HHAT: variants seen among roughly 807,000 people sequenced by gnomAD.
The protein encoded by HHAT is hedgehog acyltransferase.
Under a neutral mutation model 70.8 loss-of-function variants are expected in HHAT, and 47 were observed. The ratio of observed to expected loss-of-function variants is 0.66; its 90% CI spans 0.53 to 0.85. The LOEUF is 0.85. HHAT is among the 40% of genes least tolerant of loss of function. The pLI is 0.00. For missense variants in HHAT, 609 were observed against 604.8 expected, an observed-to-expected ratio of 1.01 and a Z score of -0.07; for synonymous variants, 228 against 247.6, an observed-to-expected ratio of 0.92 and a Z score of 0.74.
chr1:210,596,961 T>C (rs1258943095), intron 10 of HHAT, among the ~76,000 whole-genome samples: 2 of 152,184 alleles, frequency 1.3e-5, no homozygotes, highest in African/African-American at 4.8e-5. Context: ...CCTATCCTTC[T>C]TGGGAAGGCT....
At chr1:210,643,059 G>C (rs1476299835) in intron 11 of HHAT, among the ~76,000 whole-genome samples, 1 of 152,006 alleles carries the variant, frequency 6.6e-6, no homozygotes, top group Admixed American at 6.6e-5. Flanking sequence ...TTTTTGGTCT[G>C]TTTGGATATT....
In HHAT at chr1:210,486,356, A is replaced by G. The variant is rs529474093; in HGVS notation, c.1007+21701A>G. On this transcript the variant is annotated intron_variant, in intron 8 of 11. Transcript: ENST00000261458. ...GACTACATTAAGCGAATGCTTACCC[A>G]TAATGAAGCCACTCCAATCAGCTTC... is the stretch of plus-strand genomic sequence containing the variant. Among the ~76,000 whole-genome samples, 5 of 152,332 alleles carry G rather than the reference A, an allele frequency of 3.3e-5. No homozygotes were observed. The East Asian group carries it at 9.7e-4, about 29-fold the overall frequency.
intron 11 of HHAT, among the ~76,000 whole-genome samples, chr1:210,664,629 A>G (rs1678500101): frequency 6.6e-6 from 1 of 152,214 alleles, no homozygotes; most frequent in Non-Finnish European, 1.5e-5. Flanking sequence ...AGATATGTAC[A>G]TACAGTTAGG....
chr1:210,327,463 G>T (rs1445824147), upstream of HHAT, among the ~76,000 whole-genome samples: 2 of 151,966 alleles, frequency 1.3e-5, no homozygotes, highest in African/African-American at 4.8e-5. Flanking sequence ...AATATTGCAT[G>T]GGTCATAGTG....
In HHAT at chr1:210,616,852, ATAAG is replaced by A. The variant is rs564259129; in HGVS notation, c.1246-6670_1246-6667del. ...GAATAGTTTTTACCTACTTTACAGT[ATAAG>A]TAAAGCTGCTCACACAGTGAATTTT... On this transcript the variant is annotated intron_variant, in intron 10 of 11. Coordinates refer to ENST00000261458, the MANE Select transcript of HHAT (RefSeq NM_018194.6). Among the ~76,000 whole-genome samples the A allele has an allele frequency of 3.9e-3, 589 of 152,184 alleles. 3 individuals carry two copies. Among genetic ancestry groups the A allele is most frequent in the Non-Finnish European group, 5.0e-3 (342 of 67,922 alleles).
intron 11 of HHAT, 71 bp downstream of exon 11, chr1:210,623,741 G>A (rs74443351): frequency 0.02 from 29,578 of 1,468,544 alleles, 365 homozygotes; most frequent in Non-Finnish European, 0.023. Flanking sequence ...ATCATACATG[G>A]GATGGATGGG....
chr1:210,546,212 GGAAA>G (rs1301126352), intron 9 of HHAT, among the ~76,000 whole-genome samples: 2 of 152,154 alleles, frequency 1.3e-5, no homozygotes, highest in Non-Finnish European at 2.9e-5. Flanking sequence ...CATAAAAATG[GGAAA>G]GACAGTGTCC....
chr1:210,435,179 T>G lies in HHAT; in HGVS notation c.856+16854T>G, dbSNP rs2093346009. Among the ~76,000 whole-genome samples the G allele has an allele frequency of 5.3e-5, 8 of 151,958 alleles. No individual in the cohort carries two copies. In the South Asian group the frequency reaches 1.4e-3, roughly 28 times the overall value. ...AAATCACCAATCTACTCTATCTTGATGAGATTCACTTTTATATCTCTGACA... is the reference window on the plus strand; with the variant it reads ...AAATCACCAATCTACTCTATCTTGAGGAGATTCACTTTTATATCTCTGACA... On this transcript the variant is annotated intron_variant, in intron 7 of 11. Coordinates refer to ENST00000261458, the MANE Select transcript of HHAT (RefSeq NM_018194.6).
At chr1:210,354,267 C>T (rs559104159) in intron 2 of HHAT, among the ~76,000 whole-genome samples, 10 of 139,930 alleles carry the variant, frequency 7.1e-5, no homozygotes, top group East Asian at 4.2e-4. Context: ...TACAGTGGCA[C>T]GATCTCTGCT....
At chr1:210,657,236 G>C (rs780182334) in intron 11 of HHAT, among the ~76,000 whole-genome samples, 1 of 152,200 alleles carries the variant, frequency 6.6e-6, no homozygotes, top group Admixed American at 6.5e-5. Flanking sequence ...AGGACCAGGG[G>C]AGACAGTGGG....
chr1:210,623,895 A>T (rs536610074), intron 11 of HHAT, among the ~76,000 whole-genome samples: 1 of 152,250 alleles, frequency 6.6e-6, no homozygotes, highest in South Asian at 2.1e-4. Context: ...ATACTTGTTT[A>T]ACACCAAAAG....
At chr1:210,604,922 C>T (rs1665068278) in intron 10 of HHAT, among the ~76,000 whole-genome samples, 1 of 152,052 alleles carries the variant, frequency 6.6e-6, no homozygotes, top group Non-Finnish European at 1.5e-5. Flanking sequence ...GAGACTGAGG[C>T]AGAAGATCGC....
chr1:210,452,259 C>G (rs2093770581), intron 7 of HHAT, among the ~76,000 whole-genome samples: 1 of 152,176 alleles, frequency 6.6e-6, no homozygotes, highest in Admixed American at 6.5e-5. Context: ...AAAGGCTGAG[C>G]AAGGAGGTGG....
At chr1:210,542,578 G>A (rs962848514) in intron 9 of HHAT, among the ~76,000 whole-genome samples, 1 of 151,770 alleles carries the variant, frequency 6.6e-6, no homozygotes, top group Admixed American at 6.6e-5. Flanking sequence ...TGGGAGGATT[G>A]CTTGAGGCCA....
intron 4 of HHAT, 22 bp downstream of exon 4, chr1:210,387,603 C>T: frequency 6.4e-7 from 1 of 1,568,134 alleles, no homozygotes; most frequent in South Asian, 1.1e-5. Context: ...TGTGTTGTTA[C>T]CTTTTAAGTG....
At chr1:210,405,556 C>A (rs1001475110) in intron 6 of HHAT, among the ~76,000 whole-genome samples, 1 of 152,116 alleles carries the variant, frequency 6.6e-6, no homozygotes, top group Non-Finnish European at 1.5e-5. Context: ...TACGCACACA[C>A]CTGGAAGGGC....
At chr1:210,396,659 A>G (rs1463698651) in intron 4 of HHAT, among the ~76,000 whole-genome samples, 1 of 152,222 alleles carries the variant, frequency 6.6e-6, no homozygotes, top group Non-Finnish European at 1.5e-5. Context: ...CATAAGTTTT[A>G]TTTGTAATAG....
At position 210,438,368 on chromosome 1, in the gene HHAT, C is replaced by T. The variant is rs115731481; in HGVS notation, c.856+20043C>T. On this transcript the variant is annotated intron_variant, in intron 7 of 11. Transcript: ENST00000261458. ...TTAGAGTGGCCTGCACAGTTACATA[C>T]ATATCACCTCCAAATTCCGAAGAGG... Among the ~76,000 whole-genome samples the T allele has an allele frequency of 2.3e-3, 348 of 151,872 alleles. 10 individuals carry two copies. Among genetic ancestry groups the T allele is most frequent in the African/African-American group, 8.2e-3 (336 of 41,170 alleles).
chr1:210,607,097 T>G (rs1665607916), intron 10 of HHAT, among the ~76,000 whole-genome samples: 1 of 152,154 alleles, frequency 6.6e-6, no homozygotes, highest in Non-Finnish European at 1.5e-5. Flanking sequence ...TTAACTAATC[T>G]TCCTGTTTTT....
Sources: allele counts gnomAD v4.1 joint callset (sites outside exome capture counted in the v4.1 genomes callset), GRCh38; gene constraint gnomAD v4.1.1; transcripts MANE v1.5; gene names NCBI Gene and HGNC (gene_info 2026-07-23, HGNC 2026-07-21).